Variants in ZBED4 observed in about 807,000 individuals in gnomAD.
ZBED4 encodes the protein zinc finger BED-type containing 4.
ZBED4 carries 4 observed loss-of-function variants against 15.5 expected under a neutral mutation model. The ratio of observed to expected loss-of-function variants is 0.26; its 90% CI spans 0.13 to 0.59. The LOEUF (loss-of-function observed/expected upper bound fraction) is 0.59, where lower values mean the gene tolerates loss of function less well. ZBED4 is among the 20% of genes least tolerant of loss of function. The pLI, the probability that ZBED4 is intolerant of heterozygous loss-of-function variation, is 0.90. For synonymous variants in ZBED4, 692 were observed against 608.5 expected, an observed-to-expected ratio of 1.14 and a Z score of -2.02; for missense variants, 1,323 against 1,461.8, an observed-to-expected ratio of 0.91 and a Z score of 1.55.
chr22:49,877,159 G>A lies in ZBED4; in HGVS notation c.-329-6175G>A, dbSNP rs2060380716. Among the ~76,000 whole-genome samples, 4 of 152,154 alleles carry A rather than the reference G, an allele frequency of 2.6e-5. No homozygotes were observed. The South Asian group carries it at 8.3e-4, about 32-fold the overall frequency. On this transcript the variant is annotated intron_variant, in intron 1 of 1. Coordinates refer to ENST00000216268, the MANE Select transcript of ZBED4 (RefSeq NM_014838.3). ...ACGAGAAAAAGATTAAGCTATTTGT[G>A]TCTTTATGTTTAAAGCGTGTTTCTT...
Position 49,885,150 on chromosome 22 carries a change from C to T in ZBED4, c.1488C>T (p.Cys496=). ...RGKKGDVGTS[C]LMRHLYRRHP... is the part of the protein sequence containing the mutation. Reference sequence around the variant, plus strand: ...AGAAGGGTGATGTGGGCACCAGCTGCCTGATGAGACATCTCTACCGGCGCC... The same window carrying T: ...AGAAGGGTGATGTGGGCACCAGCTGTCTGATGAGACATCTCTACCGGCGCC... Residue 496 remains cysteine, a synonymous_variant, in exon 2 of 2, where the codon TGC becomes TGT. Coordinates refer to ENST00000216268, the MANE Select transcript of ZBED4 (RefSeq NM_014838.3). 1 of 1,614,112 alleles carries T rather than the reference C, an allele frequency of 6.2e-7. No homozygotes were observed. Among genetic ancestry groups the T allele is most frequent in the Non-Finnish European group, 8.5e-7 (1 of 1,180,032 alleles).
At position 49,885,077 on chromosome 22, in the gene ZBED4, G is replaced by T; in HGVS notation, c.1415G>T (p.Ser472Ile). 1 of 1,613,100 alleles carries T rather than the reference G, an allele frequency of 6.2e-7. No individual in the cohort carries two copies. The highest frequency in any genetic ancestry group is 8.5e-7 in the Non-Finnish European group (1 of 1,179,452). Residue 472 changes from serine to isoleucine, a missense_variant, in exon 2 of 2, where the codon AGC becomes ATC. Around this residue, in one of 6 missense-constraint regions of ZBED4, gnomAD observed 429 missense variants for 397.9 expected, o/e 1.08. Transcript: ENST00000216268. ...CACTTCTCCCTGGCCCCCATGGACA[G>T]CCTCAAGGCCGAGTGTCGGTACTGC... ...WHHFSLAPMDSLKAECRYCGC... is the reference protein window; with the variant it reads ...WHHFSLAPMDILKAECRYCGC...
chr22:49,867,427 G>A (rs2060327165), intron 1 of ZBED4, among the ~76,000 whole-genome samples: 2 of 152,230 alleles, frequency 1.3e-5, no homozygotes, highest in South Asian at 2.1e-4. Context: ...TTGGCTGACG[G>A]TATTGCTCAA....
intron 1 of ZBED4, among the ~76,000 whole-genome samples, chr22:49,872,799 G>A (rs996134187): frequency 1.3e-5 from 2 of 151,980 alleles, no homozygotes; most frequent in East Asian, 3.9e-4. Context: ...CTGCCTCCCA[G>A]GTTCAAGCGA....
chr22:49,874,698 T>TTTTTTTTTTG (rs2060367359), intron 1 of ZBED4, among the ~76,000 whole-genome samples: 2 of 142,292 alleles, frequency 1.4e-5, no homozygotes, highest in Non-Finnish European at 3.1e-5. Context: ...TTTTTTTTTT[T>TTTTTTTTTTG]GAGACGGAGT....
rs938893367 is a variant in ZBED4, at chr22:49,884,377, A to G, written c.715A>G (p.Met239Val). The G allele has an allele frequency of 2.5e-6, 4 of 1,613,078 alleles. No homozygotes were observed. Among genetic ancestry groups the G allele is most frequent in the East Asian group, 2.2e-5 (1 of 44,868 alleles). ...TTCTTCTGAAGAAATCTCCTCTGAC[A>G]TGTCCGTTTCGGAGAAGTGCGGCAG... is the stretch of plus-strand genomic sequence containing the variant. ...VVSSEEISSDMSVSEKCGREE... is the reference protein window; with the variant it reads ...VVSSEEISSDVSVSEKCGREE... The change falls in exon 2 of 2, where the codon ATG becomes GTG. Residue 239 changes from methionine (M) to valine (V), a missense_variant. Transcript: ENST00000216268.
rs1234864615 is a variant in ZBED4 at position 49,885,086 on chromosome 22, C to G, written c.1424C>G (p.Ala475Gly). Residue 475 changes from alanine to glycine, a missense_variant, in exon 2 of 2, where the codon GCC (alanine) becomes GGC (glycine). Coordinates refer to ENST00000216268, the MANE Select transcript of ZBED4 (RefSeq NM_014838.3). ...CTGGCCCCCATGGACAGCCTCAAGG[C>G]CGAGTGTCGGTACTGCGGCTGTGCC... The part of the protein sequence containing the change: ...FSLAPMDSLK[A>G]ECRYCGCAIS... The G allele has an allele frequency of 6.2e-7, 1 of 1,613,406 alleles. No individual in the cohort carries two copies. The highest frequency in any genetic ancestry group is 1.3e-5 in the African/African-American group (1 of 75,066).
Position 49,886,287 on chromosome 22 carries a change from G to A in ZBED4, c.2625G>A (p.Arg875=). 6.9e-7 allele frequency: 1 copy of A among 1,442,600 alleles called. No individual in the cohort carries two copies. The highest frequency in any genetic ancestry group is 9.5e-7 in the Non-Finnish European group (1 of 1,047,188). The allele number at this position is 1,442,600 out of a possible 1,614,324, so 89.4% of individuals were successfully genotyped here. A position where few individuals can be genotyped will look rare whatever the true frequency, so the allele number is the denominator to read the frequency against. The part of the protein sequence containing the change: ...KAKEKLAELQ[R]EYALPQHHLI... Reference sequence around the variant, plus strand: ...AGGAGAAACTGGCCGAGCTGCAGAGGGAGTACGCGCTGCCTCAGCATCACC... The same window carrying A: ...AGGAGAAACTGGCCGAGCTGCAGAGAGAGTACGCGCTGCCTCAGCATCACC... The change falls in exon 2 of 2, where the codon AGG becomes AGA. Residue 875 remains arginine, a synonymous_variant. Coordinates refer to ENST00000216268, the MANE Select transcript of ZBED4 (RefSeq NM_014838.3). This position sits in a 1 kb window ranked among gnomAD's most constrained non-coding sequence, Gnocchi z 7.7.
chr22:49,863,443 A>G (rs1238299237), intron 1 of ZBED4, among the ~76,000 whole-genome samples: 2 of 152,194 alleles, frequency 1.3e-5, no homozygotes, highest in Admixed American at 1.3e-4. Flanking sequence ...CCTGGCCAAC[A>G]TGGTGAAACC....
At position 49,887,396 on chromosome 22, in the gene ZBED4, C is replaced by T. The variant is rs1569166595; in HGVS notation, c.*218C>T. 2.2e-6 allele frequency: 1 copy of T among 457,906 alleles called. No individual in the cohort carries two copies. The highest frequency in any genetic ancestry group is 4.0e-6 in the Non-Finnish European group (1 of 249,544). 28.4% of individuals were successfully genotyped at this position (457,906 alleles called of 1,614,324 possible). A position where few individuals can be genotyped will look rare whatever the true frequency, so the allele number is the denominator to read the frequency against. ...TTATTAAGACGTCCACTAGAAATAG[C>T]TTGTCCTGTCAACTATGAAATATGG... is the stretch of plus-strand genomic sequence containing the variant. On this transcript the variant is annotated 3_prime_UTR_variant, in exon 2 of 2. Coordinates refer to ENST00000216268, the MANE Select transcript of ZBED4 (RefSeq NM_014838.3).
chr22:49,858,924 C>T (rs1428134966), intron 1 of ZBED4, among the ~76,000 whole-genome samples: 4 of 152,162 alleles, frequency 2.6e-5, no homozygotes, highest in Non-Finnish European at 4.4e-5. Context: ...TACAGGGGCA[C>T]GTTTGGGGCG....
chr22:49,867,506 A>G (rs1475932449), intron 1 of ZBED4, among the ~76,000 whole-genome samples: 1 of 152,130 alleles, frequency 6.6e-6, no homozygotes, highest in African/African-American at 2.4e-5. Context: ...GCTTCTCTTC[A>G]TGGGAGTTTT....
chr22:49,871,874 T>A (rs955014940), intron 1 of ZBED4, among the ~76,000 whole-genome samples: 3 of 151,862 alleles, frequency 2.0e-5, no homozygotes, highest in Non-Finnish European at 2.9e-5. Flanking sequence ...CCTGCCTCAG[T>A]AGCTGGGATT....
chr22:49,871,672 T>C (rs188688863), intron 1 of ZBED4, among the ~76,000 whole-genome samples: 106 of 152,008 alleles, frequency 7.0e-4, no homozygotes, highest in African/African-American at 2.4e-3. Context: ...CCAGGGCTGC[T>C]GACCAATCAG....
rs564011032 is a variant in ZBED4 at position 49,881,153 on chromosome 22, C to A, written c.-329-2181C>A. 7.7e-4 allele frequency among the ~76,000 whole-genome samples: 117 copies of A among 152,220 alleles called. 1 individual carries two copies. Among genetic ancestry groups the A allele is most frequent in the African/African-American group, 2.7e-3 (113 of 41,542 alleles). ...GTGAGGTCAGGAGTTCAAGACCAGC[C>A]TGGCCAACATGGCGAAACCCCGTCT... On this transcript the variant is annotated intron_variant, in intron 1 of 1. Transcript: ENST00000216268.
intron 1 of ZBED4, among the ~76,000 whole-genome samples, chr22:49,870,124 G>A (rs1277826231): frequency 1.3e-5 from 2 of 152,202 alleles, no homozygotes; most frequent in Non-Finnish European, 2.9e-5. Context: ...ATGGTCTCCA[G>A]ATGCATGCAT....
At chr22:49,880,377 G>T (rs74912518) in intron 1 of ZBED4, among the ~76,000 whole-genome samples, 99 of 152,318 alleles carry the variant, frequency 6.5e-4, no homozygotes, top group African/African-American at 2.4e-3. Flanking sequence ...ACCTCCGCAG[G>T]TCTGCGTAGC....
At chr22:49,857,676 C>T (rs1301714562) in intron 1 of ZBED4, among the ~76,000 whole-genome samples, 1 of 152,228 alleles carries the variant, frequency 6.6e-6, no homozygotes, top group Non-Finnish European at 1.5e-5. Context: ...ACTGCAACCT[C>T]TGTCTCCTGG....
chr22:49,858,978 G>T (rs915568430), intron 1 of ZBED4, among the ~76,000 whole-genome samples: 6 of 152,158 alleles, frequency 3.9e-5, no homozygotes, highest in Admixed American at 1.3e-4. Flanking sequence ...GCTGTCCCAT[G>T]AGGACGGATG....
Sources: gnomAD v4.1 joint callset for allele counts (sites outside exome capture counted in the v4.1 genomes callset) on GRCh38, gnomAD v4.1.1 for gene constraint, gnomAD v4.1.1 regional missense constraint, Gnocchi (gnomAD v3.1) non-coding constraint, MANE v1.5 for transcripts, NCBI Gene and HGNC (gene_info 2026-07-23, HGNC 2026-07-21) for gene names.